AKAP9: variants seen among roughly 807,000 people sequenced by gnomAD.
The protein encoded by AKAP9 is A-kinase anchoring protein 9, also known as A-kinase anchor protein 9.
Under a neutral mutation model 488.5 loss-of-function variants are expected in AKAP9, and 311 were observed. The ratio of observed to expected loss-of-function variants is 0.64; its 90% CI spans 0.58 to 0.70. The LOEUF (loss-of-function observed/expected upper bound fraction) is 0.70, where lower values mean the gene tolerates loss of function less well. Ranked by LOEUF, AKAP9 falls within the 30% of genes least tolerant of loss-of-function variation. The probability of loss-of-function intolerance (pLI) is 0.00; values close to 1 mark genes in which losing one functional copy is unlikely to be tolerated. For synonymous variants in AKAP9, 1,462 were observed against 1,483.5 expected (o/e 0.99, Z 0.33); for missense variants, 4,215 against 4,374.5 (o/e 0.96, Z 1.03).
intron 3 of AKAP9, among the ~76,000 whole-genome samples, chr7:91,987,079 A>C (rs1055912116): frequency 2.6e-5 from 4 of 152,150 alleles, no homozygotes; most frequent in Non-Finnish European, 4.4e-5. Flanking sequence ...GAGCTATCTT[A>C]CCGTGTGGAA....
At position 92,070,401 on chromosome 7, in the gene AKAP9, GTTGTT is replaced by G. The variant is rs71528034; in HGVS notation, c.6507+238_6507+242del. 0.16 allele frequency among the ~76,000 whole-genome samples: 23,077 copies of G among 145,310 alleles called. 1,996 individuals are homozygous for G. Among genetic ancestry groups the G allele is most frequent in the African/African-American group, 0.23 (8,530 of 37,480 alleles). On this transcript the variant is annotated intron_variant, in intron 27 of 49. Coordinates refer to ENST00000356239, the MANE Select transcript of AKAP9 (RefSeq NM_005751.5). ...AAGGGAAGAGTTTTTTGTTGTTGTTGTTGTTTTGTTTTGTTTTGTTTTGTTTTGTT... is the reference window on the plus strand; with the variant it reads ...AAGGGAAGAGTTTTTTGTTGTTGTTGTTGTTTTGTTTTGTTTTGTTTTGTT...
At chr7:92,051,208 T>C (rs1287953132) in intron 21 of AKAP9, among the ~76,000 whole-genome samples, 8 of 152,186 alleles carry the variant, frequency 5.3e-5, no homozygotes, top group African/African-American at 1.4e-4. Flanking sequence ...TCCATGTCCC[T>C]TTGCCCTAAA....
intron 12 of AKAP9, among the ~76,000 whole-genome samples, chr7:92,021,268 C>T (rs1225188789): frequency 6.6e-6 from 1 of 152,054 alleles, no homozygotes. Context: ...GTTTATTTTC[C>T]CATCTGATTG....
chr7:92,100,016 A>T, intron 44 of AKAP9, 147 bp downstream of exon 44: 1 of 676,416 alleles, frequency 1.5e-6, no homozygotes, highest in Non-Finnish European at 2.5e-6. Flanking sequence ...GGATGACAAT[A>T]ATAATATTAT....
At chr7:92,058,065 T>G (rs1430034506) in intron 22 of AKAP9, 1 of 430,164 alleles carries the variant, frequency 2.3e-6, no homozygotes, top group Non-Finnish European at 4.5e-6. Context: ...AAAAAGAAAC[T>G]TTTTATACTG....
At chr7:91,957,126 T>C (rs1223936828) in intron 1 of AKAP9, among the ~76,000 whole-genome samples, 5 of 152,188 alleles carry the variant, frequency 3.3e-5, no homozygotes, top group African/African-American at 9.6e-5. Flanking sequence ...ATGTAGTCTC[T>C]ATTATTGCTG....
intron 14 of AKAP9, among the ~76,000 whole-genome samples, chr7:92,027,153 G>A (rs953017379): frequency 6.7e-6 from 1 of 148,466 alleles, no homozygotes; most frequent in African/African-American, 2.5e-5. Context: ...AGGAAGTGAG[G>A]AGCGCCTCTG....
intron 35 of AKAP9, 58 bp from the exon 36 acceptor site, chr7:92,085,437 A>C: frequency 1.3e-6 from 2 of 1,498,918 alleles, no homozygotes; most frequent in Middle Eastern, 1.7e-4. Flanking sequence ...TTGTAAGTCT[A>C]ATTTTTCAGT....
At chr7:92,026,301 G>T (rs1325920179) in intron 14 of AKAP9, among the ~76,000 whole-genome samples, 1 of 152,080 alleles carries the variant, frequency 6.6e-6, no homozygotes, top group Non-Finnish European at 1.5e-5. Flanking sequence ...CTTAAAGAAT[G>T]AAGTCGCTCT....
intron 1 of AKAP9, among the ~76,000 whole-genome samples, chr7:91,965,465 G>A (rs1035280916): frequency 6.6e-6 from 1 of 152,022 alleles, no homozygotes; most frequent in African/African-American, 2.4e-5. Context: ...TCATATTTTA[G>A]CTATTGTAAA....
At chr7:92,033,442 C>CTTTTTTTTTTTTTTTTTTTTT (rs35497475) in intron 16 of AKAP9, among the ~76,000 whole-genome samples, 4 of 107,368 alleles carry the variant, frequency 3.7e-5, no homozygotes, top group Non-Finnish European at 5.6e-5. Context: ...CTTTTCTTTT[C>CTTTTTTTTTTTTTTTTTTTTT]TTTTTTTTTT....
chr7:92,070,001 A>T (rs779366496), intron 26 of AKAP9, 29 bp from the exon 27 acceptor site: 1 of 1,601,244 alleles, frequency 6.2e-7, no homozygotes, highest in South Asian at 1.1e-5. Context: ...ATTTTTTTTA[A>T]ATTAAATTTT....
chr7:91,950,710 T>TA (rs1377484132), intron 1 of AKAP9, among the ~76,000 whole-genome samples: 1 of 152,186 alleles, frequency 6.6e-6, no homozygotes, highest in Non-Finnish European at 1.5e-5. Flanking sequence ...AGTTAATTCT[T>TA]ACGCCGTTTA....
intron 1 of AKAP9, among the ~76,000 whole-genome samples, chr7:91,963,494 A>T (rs1029131909): frequency 1.3e-3 from 191 of 144,966 alleles, no homozygotes; most frequent in African/African-American, 4.6e-3. Context: ...ACACACACAC[A>T]CACACACACA....
At chr7:92,007,367 T>G (rs539930068) in intron 8 of AKAP9, among the ~76,000 whole-genome samples, 13 of 132,638 alleles carry the variant, frequency 9.8e-5, no homozygotes, top group Non-Finnish European at 2.0e-4. Flanking sequence ...CACTACAAAC[T>G]CAGCCTATCA....
chr7:91,965,712 A>T (rs1430640560), intron 1 of AKAP9, among the ~76,000 whole-genome samples: 1 of 152,160 alleles, frequency 6.6e-6, no homozygotes, highest in Non-Finnish European at 1.5e-5. Context: ...TGTCTTTTTG[A>T]TGAAAGTCAG....
intron 38 of AKAP9, 110 bp from the exon 39 acceptor site, chr7:92,092,987 T>G (rs999728323): frequency 1.1e-6 from 1 of 951,128 alleles, no homozygotes; most frequent in African/African-American, 1.6e-5. Flanking sequence ...TTTTTCATGT[T>G]TCCTTTGAAG....
At chr7:92,086,005 G>A (rs959026589) in intron 36 of AKAP9, among the ~76,000 whole-genome samples, 6 of 152,114 alleles carry the variant, frequency 3.9e-5, no homozygotes, top group Non-Finnish European at 8.8e-5. Flanking sequence ...CAGGAGAATC[G>A]CTTGAACCTG....
chr7:92,090,842 T>C (rs967834911), intron 38 of AKAP9, among the ~76,000 whole-genome samples: 2 of 152,234 alleles, frequency 1.3e-5, no homozygotes, highest in African/African-American at 4.8e-5. Context: ...ATGCCTATCT[T>C]AGATAAGGTC....
Sources: allele counts gnomAD v4.1 joint callset (sites outside exome capture counted in the v4.1 genomes callset), GRCh38; gene constraint gnomAD v4.1.1; transcripts MANE v1.5; gene names NCBI Gene and HGNC (gene_info 2026-07-23, HGNC 2026-07-21).